ZMIZ1: variants seen among roughly 807,000 people sequenced by gnomAD.
The protein encoded by ZMIZ1 is zinc finger MIZ domain-containing protein 1.
In ZMIZ1, 17 loss-of-function variants were observed where a neutral mutation model predicts 113.9. The observed-to-expected ratio is 0.15, with a 90% CI of 0.10 to 0.22. The LOEUF (loss-of-function observed/expected upper bound fraction) is 0.22. Among genes scored for constraint, ZMIZ1 ranks in the 10% least tolerant of loss-of-function variants. The probability of loss-of-function intolerance (pLI) is 1.00; values close to 1 mark genes in which losing one functional copy is unlikely to be tolerated. For synonymous variants in ZMIZ1, 607 were observed against 603.1 expected (o/e 1.01, Z -0.09); for missense variants, 1,059 against 1,477.8 (o/e 0.72, Z 4.65).
At chr10:79,176,168 C>T (rs1846858853) in intron 4 of ZMIZ1, among the ~76,000 whole-genome samples, 1 of 151,976 alleles carries the variant, frequency 6.6e-6, no homozygotes, top group Non-Finnish European at 1.5e-5. Flanking sequence ...GGATGACATT[C>T]CAGGGCCATT....
chr10:79,290,913 C>A, intron 9 of ZMIZ1, 46 bp from the exon 10 acceptor site: 1 of 1,603,114 alleles, frequency 6.2e-7, no homozygotes, highest in Non-Finnish European at 8.5e-7. Flanking sequence ...CCTCTCCACA[C>A]TGCCTCGGGT....
intron 6 of ZMIZ1, among the ~76,000 whole-genome samples, chr10:79,212,124 T>G (rs563753194): frequency 6.6e-6 from 1 of 152,230 alleles, no homozygotes; most frequent in South Asian, 2.1e-4. Flanking sequence ...CACGTGACCT[T>G]AAGCAAGTCA....
intron 2 of ZMIZ1, among the ~76,000 whole-genome samples, chr10:79,130,907 C>G (rs142507875): frequency 0.012 from 1,760 of 152,290 alleles, 26 homozygotes; most frequent in African/African-American, 0.04. Context: ...AAATGGGGCC[C>G]TCCCAGTTCT....
At chr10:79,134,327 C>G (rs1452251113) in intron 2 of ZMIZ1, among the ~76,000 whole-genome samples, 1 of 152,222 alleles carries the variant, frequency 6.6e-6, no homozygotes, top group Non-Finnish European at 1.5e-5. Flanking sequence ...CCCAGCAAAA[C>G]AGTGACCAGG....
rs1855384595 is a variant in ZMIZ1 at position 79,314,148 on chromosome 10, C to G, written c.*1399C>G. The G allele has an allele frequency of 4.4e-6, 2 of 456,936 alleles. No homozygotes were observed. Among genetic ancestry groups the G allele is most frequent in the African/African-American group, 4.0e-5 (2 of 50,096 alleles). 28.3% of individuals were successfully genotyped at this position (456,936 alleles called of 1,614,324 possible). A position where few individuals can be genotyped will look rare whatever the true frequency, so the allele number is the denominator to read the frequency against. ...AAAGCAGCCTCTGGCCTTCCCTCCACCGCTTTGCTCCATCTGGCTTACCAC... is the reference window on the plus strand; with the variant it reads ...AAAGCAGCCTCTGGCCTTCCCTCCAGCGCTTTGCTCCATCTGGCTTACCAC... On this transcript the variant is annotated 3_prime_UTR_variant, in exon 25 of 25. Coordinates refer to ENST00000334512, the MANE Select transcript of ZMIZ1 (RefSeq NM_020338.4).
At chr10:79,112,983 C>A (rs1029832313) in intron 1 of ZMIZ1, among the ~76,000 whole-genome samples, 1 of 152,202 alleles carries the variant, frequency 6.6e-6, no homozygotes, top group African/African-American at 2.4e-5. Context: ...CTCCTGAGAT[C>A]GTGAGCTCCT....
At chr10:79,154,873 G>T (rs1036208327) in intron 3 of ZMIZ1, among the ~76,000 whole-genome samples, 4 of 151,240 alleles carry the variant, frequency 2.6e-5, no homozygotes, top group Non-Finnish European at 5.9e-5. Flanking sequence ...ATCCCAGCAG[G>T]ACCCCAAGTC....
intron 4 of ZMIZ1, among the ~76,000 whole-genome samples, chr10:79,198,709 T>C (rs138860596): frequency 4.5e-4 from 68 of 152,336 alleles, no homozygotes; most frequent in African/African-American, 1.5e-3. Context: ...GATGTGCCGA[T>C]GTGAACGGTT....
chr10:79,215,548 C>T (rs1415479319), intron 6 of ZMIZ1, among the ~76,000 whole-genome samples: 1 of 152,216 alleles, frequency 6.6e-6, no homozygotes. Context: ...ATCCACCTGC[C>T]TCAGCCTCCC....
chr10:79,128,076 A>G lies in ZMIZ1; in HGVS notation c.-227+9052A>G, dbSNP rs189040205. 2.0e-5 allele frequency among the ~76,000 whole-genome samples: 3 copies of G among 152,254 alleles called. No homozygotes were observed. In the East Asian group the frequency reaches 5.8e-4, roughly 29 times the overall value. On this transcript the variant is annotated intron_variant, in intron 2 of 24. Coordinates refer to ENST00000334512, the MANE Select transcript of ZMIZ1 (RefSeq NM_020338.4). The stretch of plus-strand genomic sequence containing the variant: ...CATTGCATGCTCAGCTTCTGAGTCT[A>G]AAGAGGGGTCTCTGCAAGACCTCCC...
At chr10:79,182,991 A>T (rs571907944) in intron 4 of ZMIZ1, among the ~76,000 whole-genome samples, 8 of 152,162 alleles carry the variant, frequency 5.3e-5, no homozygotes, top group African/African-American at 1.9e-4. Context: ...AGGGTCCTGG[A>T]ACTGTACTTG....
chr10:79,186,650 C>T (rs1374284087), intron 4 of ZMIZ1, among the ~76,000 whole-genome samples: 3 of 152,206 alleles, frequency 2.0e-5, no homozygotes, highest in African/African-American at 7.2e-5. Flanking sequence ...TAGAGACGTA[C>T]AGCAATAGTA....
intron 22 of ZMIZ1, among the ~76,000 whole-genome samples, chr10:79,306,733 C>T (rs1854726797): frequency 6.6e-6 from 1 of 152,224 alleles, no homozygotes; most frequent in Admixed American, 6.5e-5. Flanking sequence ...GGCCCTTACG[C>T]TCCCGGCTGC....
intron 4 of ZMIZ1, among the ~76,000 whole-genome samples, chr10:79,200,932 C>T (rs1848053127): frequency 1.3e-5 from 2 of 152,196 alleles, no homozygotes; most frequent in Admixed American, 1.3e-4. Context: ...TACACACACA[C>T]ACGTGGGCCA....
chr10:79,086,198 C>T (rs4980028), intron 1 of ZMIZ1, among the ~76,000 whole-genome samples: 38,269 of 152,120 alleles, frequency 0.25, 5,536 homozygotes, highest in Non-Finnish European at 0.32. Context: ...TGCACTTCAC[C>T]GTGTGGACAG....
intron 22 of ZMIZ1, 73 bp downstream of exon 22, chr10:79,306,417 G>C (rs1422289923): frequency 6.4e-7 from 1 of 1,567,712 alleles, no homozygotes; most frequent in South Asian, 1.2e-5. Context: ...CAGAATTTCT[G>C]TGCTGATGGT....
chr10:79,282,254 A>G (rs765842896), intron 8 of ZMIZ1, among the ~76,000 whole-genome samples: 1 of 152,242 alleles, frequency 6.6e-6, no homozygotes, highest in Non-Finnish European at 1.5e-5. Context: ...GTCATCCTCC[A>G]TAATTTTATT....
At chr10:79,115,641 T>C (rs1170796059) in intron 1 of ZMIZ1, among the ~76,000 whole-genome samples, 2 of 152,214 alleles carry the variant, frequency 1.3e-5, no homozygotes, top group African/African-American at 2.4e-5. Context: ...AGCTCTTAGA[T>C]GACACTGGGG....
chr10:79,115,823 GCTTCCGC>G (rs1843996451), intron 1 of ZMIZ1, among the ~76,000 whole-genome samples: 1 of 152,238 alleles, frequency 6.6e-6, no homozygotes, highest in African/African-American at 2.4e-5. Context: ...ATGGGGGAGG[GCTTCCGC>G]CTTCTCAGTC....
Sources: allele counts gnomAD v4.1 joint callset (sites outside exome capture counted in the v4.1 genomes callset), GRCh38; gene constraint gnomAD v4.1.1; transcripts MANE v1.5; gene names NCBI Gene and HGNC (gene_info 2026-07-23, HGNC 2026-07-21).